The following LEF1 variants were observed in gnomAD, a reference collection of about 807,000 sequenced individuals.
LEF1 encodes lymphoid enhancer binding factor 1, also known as lymphoid enhancer-binding factor 1.
In LEF1, 14 loss-of-function variants were observed where a neutral mutation model predicts 51.2. The ratio of observed to expected loss-of-function variants is 0.27; its 90% CI spans 0.18 to 0.43. LEF1 has a LOEUF of 0.43. LEF1 is among the 20% of genes least tolerant of loss of function. The probability of loss-of-function intolerance (pLI) is 1.00; values close to 1 mark genes in which losing one functional copy is unlikely to be tolerated. For missense variants in LEF1, 386 were observed against 512.0 expected (o/e 0.75, Z 2.37); for synonymous variants, 185 against 183.2 (o/e 1.01, Z -0.08).
chr4:108,162,573 AGT>A (rs143841311), intron 3 of LEF1, among the ~76,000 whole-genome samples: 2,073 of 152,288 alleles, frequency 0.014, 18 homozygotes, highest in African/African-American at 0.023. Flanking sequence ...ACACTGGGCA[AGT>A]AAGTCAAACA....
chr4:108,130,419 C>G (rs1742797560), intron 3 of LEF1, among the ~76,000 whole-genome samples: 1 of 152,038 alleles, frequency 6.6e-6, no homozygotes, highest in Non-Finnish European at 1.5e-5. Flanking sequence ...CTGTTTATGG[C>G]TCATCAAAAG....
intron 3 of LEF1, among the ~76,000 whole-genome samples, chr4:108,110,639 C>T (rs547707298): frequency 2.6e-5 from 4 of 152,156 alleles, no homozygotes; most frequent in Non-Finnish European, 4.4e-5. Flanking sequence ...GCACATCATG[C>T]GGGTCTCCTA....
chr4:108,083,072 C>T, intron 5 of LEF1: 1 of 416,628 alleles, frequency 2.4e-6, no homozygotes. Flanking sequence ...TTTGTACAGG[C>T]ATAGCAAATG....
chr4:108,115,846 T>TACACATACACAC (rs1553955199), intron 3 of LEF1, among the ~76,000 whole-genome samples: 1 of 139,274 alleles, frequency 7.2e-6, no homozygotes, highest in African/African-American at 2.7e-5. Context: ...ATGTAACACA[T>TACACATACACAC]ACACACACAC....
chr4:108,084,319 A>C (rs1291384798), intron 4 of LEF1, among the ~76,000 whole-genome samples: 1 of 152,276 alleles, frequency 6.6e-6, no homozygotes, highest in Non-Finnish European at 1.5e-5. Context: ...ATGTGTCTTC[A>C]CATAGCTAAT....
At chr4:108,055,352 G>A (rs1406023045) in intron 11 of LEF1, among the ~76,000 whole-genome samples, 1 of 152,142 alleles carries the variant, frequency 6.6e-6, no homozygotes. Context: ...ACTCCTTGTG[G>A]CATATATAAT....
At position 108,079,521 on chromosome 4, in the gene LEF1, A is replaced by T. The variant is rs779191660; in HGVS notation, c.816T>A (p.His272Gln). ...GCATTAGGTCACTGTCAGTGTGGGG[A>T]TGTTCCTGTTTGACCTGAGGTGTTA... Reference protein sequence around the residue: ...AIVTPQVKQEHPHTDSDLMHV... With the variant: ...AIVTPQVKQEQPHTDSDLMHV... The change falls in exon 7 of 12, where the codon CAT (histidine) becomes CAA (glutamine). Residue 272 changes from histidine to glutamine, a missense_variant. Physicochemically the swap from His to Gln is conservative, Grantham distance 24 (BLOSUM62 0). Coordinates refer to ENST00000265165, the MANE Select transcript of LEF1 (RefSeq NM_016269.5). The T allele has an allele frequency of 3.7e-6, 6 of 1,614,092 alleles. No homozygotes were observed. The Admixed American group carries it at 1.0e-4, about 27-fold the overall frequency.
chr4:108,058,695 C>A (rs1442219438), intron 11 of LEF1, among the ~76,000 whole-genome samples: 4 of 152,202 alleles, frequency 2.6e-5, no homozygotes, highest in Admixed American at 2.6e-4. Flanking sequence ...CACTTCTTCA[C>A]AGCATAAAAC....
chr4:108,106,143 C>T lies in LEF1; in HGVS notation c.415-16886G>A, dbSNP rs542262874. Among the ~76,000 whole-genome samples, 7 of 152,224 alleles carry T rather than the reference C, an allele frequency of 4.6e-5. No homozygotes were observed. In the South Asian group the frequency reaches 1.0e-3, roughly 23 times the overall value. On this transcript the variant is annotated intron_variant, in intron 3 of 11. Transcript: ENST00000265165. Reference sequence around the variant, plus strand: ...GGTCTGATCAGTCAATTTCACCTATCCAACTCAAAAAGTACTTAAGTAAAT... The same window carrying T: ...GGTCTGATCAGTCAATTTCACCTATTCAACTCAAAAAGTACTTAAGTAAAT...
At chr4:108,099,580 A>ATG (rs1560789226) in intron 3 of LEF1, among the ~76,000 whole-genome samples, 4 of 37,052 alleles carry the variant, frequency 1.1e-4, no homozygotes, top group Non-Finnish European at 2.3e-4. Flanking sequence ...GTATATATAT[A>ATG]TATATATATA....
At chr4:108,130,711 C>A (rs1012108989) in intron 3 of LEF1, among the ~76,000 whole-genome samples, 4 of 145,434 alleles carry the variant, frequency 2.8e-5, no homozygotes, top group Non-Finnish European at 4.5e-5. Context: ...GCCTGGGCAA[C>A]AAAGTGAGAC....
At chr4:108,151,270 C>T (rs1333491366) in intron 3 of LEF1, among the ~76,000 whole-genome samples, 3 of 152,218 alleles carry the variant, frequency 2.0e-5, no homozygotes, top group African/African-American at 7.2e-5. Context: ...GTGTTATCCA[C>T]TAGCATCATA....
At chr4:108,135,583 G>T (rs1338568968) in intron 3 of LEF1, among the ~76,000 whole-genome samples, 1 of 152,176 alleles carries the variant, frequency 6.6e-6, no homozygotes, top group Admixed American at 6.5e-5. Context: ...CCCAGGAGAG[G>T]TACAGTGCTG....
chr4:108,104,357 C>G (rs535614192), intron 3 of LEF1, among the ~76,000 whole-genome samples: 7 of 150,818 alleles, frequency 4.6e-5, no homozygotes, highest in Middle Eastern at 3.5e-3. Context: ...ATACCAAAAA[C>G]CACTGATTGA....
chr4:108,128,096 G>T (rs140463667), intron 3 of LEF1, among the ~76,000 whole-genome samples: 202 of 152,298 alleles, frequency 1.3e-3, no homozygotes, highest in African/African-American at 4.6e-3. Flanking sequence ...TTAGTTCAAA[G>T]ACATAATAAA....
intron 3 of LEF1, among the ~76,000 whole-genome samples, chr4:108,153,914 T>C (rs1489942183): frequency 2.6e-5 from 4 of 152,218 alleles, no homozygotes; most frequent in Non-Finnish European, 4.4e-5. Flanking sequence ...TATGTTCCTA[T>C]TGCCATGAAT....
At chr4:108,081,535 C>T in intron 6 of LEF1, 51 bp downstream of exon 6, 2 of 1,451,934 alleles carry the variant, frequency 1.4e-6, no homozygotes, top group Non-Finnish European at 9.7e-7. Flanking sequence ...AGGATGCAAG[C>T]ACGAGAAGAG....
At position 108,168,798 on chromosome 4, in the gene LEF1, G is replaced by A. The variant is rs1745573532; in HGVS notation, c.-1031C>T. 1 of 152,238 alleles carries A rather than the reference G, an allele frequency of 6.6e-6. No individual in the cohort carries two copies. Among genetic ancestry groups the A allele is most frequent in the South Asian group, 2.1e-4 (1 of 4,834 alleles). The allele number at this position is 152,238 out of a possible 1,614,324, so 9.4% of individuals were successfully genotyped here. Reference sequence around the variant, plus strand: ...CCCCTTGAGTTCGCCCGGCCGAGGGGAGGGGACGCCCCGAGCTTGGCCGCG... The same window carrying A: ...CCCCTTGAGTTCGCCCGGCCGAGGGAAGGGGACGCCCCGAGCTTGGCCGCG... On this transcript the variant is annotated 5_prime_UTR_variant, in exon 1 of 12. Coordinates refer to ENST00000265165, the MANE Select transcript of LEF1 (RefSeq NM_016269.5). This position sits in a 1 kb window ranked among gnomAD's most constrained non-coding sequence, Gnocchi z 4.6.
chr4:108,130,721 C>G, intron 3 of LEF1, among the ~76,000 whole-genome samples: 1 of 149,320 alleles, frequency 6.7e-6, no homozygotes, highest in South Asian at 2.1e-4. Context: ...CAAAGTGAGA[C>G]TCCGACTCAA....
Sources: gnomAD v4.1 joint callset for allele counts (sites outside exome capture counted in the v4.1 genomes callset) on GRCh38, gnomAD v4.1.1 for gene constraint, Gnocchi (gnomAD v3.1) non-coding constraint, MANE v1.5 for transcripts, NCBI Gene and HGNC (gene_info 2026-07-23, HGNC 2026-07-21) for gene names.